LMO7: variants seen among roughly 807,000 people sequenced by gnomAD.
LMO7 encodes the protein LIM domain 7, also known as LIM domain only protein 7.
In LMO7, 120 loss-of-function variants were observed where a neutral mutation model predicts 206.5. The observed-to-expected ratio is 0.58, with a 90% CI of 0.50 to 0.68. The LOEUF is 0.68. LMO7 is among the 30% of genes least tolerant of loss of function. The pLI, the probability that LMO7 is intolerant of heterozygous loss-of-function variation, is 0.00. For synonymous variants in LMO7, 706 were observed against 681.5 expected (o/e 1.04, Z -0.56); for missense variants, 1,959 against 1,957.9 (o/e 1.00, Z -0.01).
At chr13:75,786,377 CTTTT>C (rs113210539) in intron 4 of LMO7, among the ~76,000 whole-genome samples, 2 of 140,084 alleles carry the variant, frequency 1.4e-5, no homozygotes. Flanking sequence ...TTATTTTCTT[CTTTT>C]TTTTTTTTTT....
intron 4 of LMO7, among the ~76,000 whole-genome samples, chr13:75,790,938 A>G (rs1233489960): frequency 7.0e-6 from 1 of 142,368 alleles, no homozygotes; most frequent in Non-Finnish European, 1.5e-5. Context: ...AACATACCCA[A>G]GATAGGTATT....
At chr13:75,756,922 G>C (rs1022816965) in intron 3 of LMO7, among the ~76,000 whole-genome samples, 1 of 152,166 alleles carries the variant, frequency 6.6e-6, no homozygotes, top group African/African-American at 2.4e-5. Flanking sequence ...GAATCACTGA[G>C]GTGGGTCCAG....
chr13:75,779,502 A>G (rs941142608), intron 4 of LMO7, among the ~76,000 whole-genome samples: 1 of 152,242 alleles, frequency 6.6e-6, no homozygotes, highest in Non-Finnish European at 1.5e-5. Flanking sequence ...TGTCAGGATT[A>G]TATTAACCTG....
chr13:75,822,457 C>T (rs1254097099), intron 14 of LMO7, among the ~76,000 whole-genome samples: 1 of 151,912 alleles, frequency 6.6e-6, no homozygotes, highest in Non-Finnish European at 1.5e-5. Flanking sequence ...TATCAAAATG[C>T]ATTTTAGGGT....
chr13:75,642,002 C>T (rs1229960828), intron 1 of LMO7, among the ~76,000 whole-genome samples: 4 of 152,078 alleles, frequency 2.6e-5, no homozygotes, highest in Admixed American at 6.6e-5. Context: ...TTCTTGAACA[C>T]AGCATCTTTA....
chr13:75,800,689 C>G lies in LMO7; in HGVS notation c.468C>G (p.Leu156=), dbSNP rs41286122. The G allele has an allele frequency of 3.7e-6, 6 of 1,613,718 alleles. No individual in the cohort carries two copies. The highest frequency in any genetic ancestry group is 4.5e-5 in the East Asian group (2 of 44,890). ...TTAAAAAACGTTTTCTTTAGGCACT[C>G]GAAGACTCCAGCTTCCTGAAAAGAA... is the stretch of plus-strand genomic sequence containing the variant. The part of the protein sequence containing the change: ...NLLGQALTKA[L]EDSSFLKRSG... Residue 156 remains leucine, a synonymous_variant, in exon 7 of 31, where the codon CTC becomes CTG. Transcript: ENST00000377534.
intron 26 of LMO7, among the ~76,000 whole-genome samples, chr13:75,848,431 T>TTATTTATC (rs1555348052): frequency 3.5e-4 from 52 of 150,638 alleles, no homozygotes; most frequent in African/African-American, 1.3e-3. Context: ...TTCCATGCGA[T>TTATTTATC]TATCTATCTA....
At position 75,797,822 on chromosome 13, in the gene LMO7, T is replaced by C. The variant is rs1401669309; in HGVS notation, c.462+1073T>C. Among the ~76,000 whole-genome samples, 6 of 152,208 alleles carry C rather than the reference T, an allele frequency of 3.9e-5. No individual in the cohort carries two copies. The East Asian group carries it at 1.2e-3, about 29-fold the overall frequency. ...CCAAAATGTAAGGAGTCAATAACGCTGTATTCAAATTCCTTGAATAAGTTA... is the reference window on the plus strand; with the variant it reads ...CCAAAATGTAAGGAGTCAATAACGCCGTATTCAAATTCCTTGAATAAGTTA... On this transcript the variant is annotated intron_variant, in intron 6 of 30. Transcript: ENST00000377534.
At chr13:75,655,471 A>G (rs185920093) in intron 1 of LMO7, among the ~76,000 whole-genome samples, 272 of 151,958 alleles carry the variant, frequency 1.8e-3, no homozygotes, top group Non-Finnish European at 2.0e-3. Context: ...TATTTTTGCA[A>G]CTTCTTTTGT....
At chr13:75,762,624 T>C (rs745770202) in intron 4 of LMO7, among the ~76,000 whole-genome samples, 6 of 152,164 alleles carry the variant, frequency 3.9e-5, no homozygotes, top group Non-Finnish European at 5.9e-5. Flanking sequence ...AATTAGTATC[T>C]GGGCTCTGCC....
In LMO7 at chr13:75,643,558, A is replaced by G. The variant is rs148104337; in HGVS notation, c.69+6832A>G. Among the ~76,000 whole-genome samples the G allele has an allele frequency of 2.9e-3, 439 of 152,358 alleles. 4 individuals carry two copies. Among genetic ancestry groups the G allele is most frequent in the African/African-American group, 7.5e-3 (313 of 41,586 alleles). On this transcript the variant is annotated intron_variant, in intron 1 of 30. Coordinates refer to ENST00000377534, the MANE Select transcript of LMO7 (RefSeq NM_001306080.2). ...GATCTCCTTAAGCCTGTTAACTATCAAAAATGTGTTAGAGCCTGAGGAAAT... is the reference window on the plus strand; with the variant it reads ...GATCTCCTTAAGCCTGTTAACTATCGAAAATGTGTTAGAGCCTGAGGAAAT...
chr13:75,749,138 AG>A (rs1038069768), intron 3 of LMO7, among the ~76,000 whole-genome samples: 23 of 152,286 alleles, frequency 1.5e-4, no homozygotes, highest in African/African-American at 4.8e-4. Flanking sequence ...TTTAAACAAA[AG>A]GTGATGATCC....
intron 28 of LMO7, 44 bp from the exon 29 acceptor site, chr13:75,855,216 C>A: frequency 2.6e-6 from 3 of 1,170,102 alleles, no homozygotes; most frequent in Non-Finnish European, 3.8e-6. Context: ...GAATCTTGAG[C>A]TGCCCAGGTG....
chr13:75,792,999 G>T (rs1487995822), intron 4 of LMO7, among the ~76,000 whole-genome samples: 3 of 152,100 alleles, frequency 2.0e-5, no homozygotes, highest in Non-Finnish European at 4.4e-5. Flanking sequence ...CCTTTTTGAG[G>T]ACTGTGGAAA....
chr13:75,763,910 G>T (rs1209246662), intron 4 of LMO7, among the ~76,000 whole-genome samples: 1 of 151,900 alleles, frequency 6.6e-6, no homozygotes, highest in Non-Finnish European at 1.5e-5. Context: ...CTGTTTTTCA[G>T]TTTTCTAGCT....
chr13:75,803,574 C>G (rs769116974), intron 7 of LMO7, among the ~76,000 whole-genome samples: 2 of 152,182 alleles, frequency 1.3e-5, no homozygotes, highest in African/African-American at 4.8e-5. Context: ...CTATTTGTAT[C>G]TATCTGACCT....
upstream of LMO7, among the ~76,000 whole-genome samples, chr13:75,635,032 A>AAAAAC (rs5804828): frequency 6.6e-6 from 1 of 151,316 alleles, no homozygotes; most frequent in African/African-American, 2.4e-5. Context: ...ACAAAACAAA[A>AAAAAC]CAAAACAAAA....
In LMO7 at chr13:75,804,766, A is replaced by C. The variant is rs930707037; in HGVS notation, c.914+225A>C. 2.8e-6 allele frequency: 3 copies of C among 1,069,952 alleles called. No individual in the cohort carries two copies. In the African/African-American group the frequency reaches 4.8e-5, roughly 17 times the overall value. The allele number at this position is 1,069,952 out of a possible 1,614,324, so 66.3% of individuals were successfully genotyped here. ...ATTTGCTAGGTCTTTTTTTAGATGCATGACTTCAGTTTATTGGTATTTTTC... is the reference window on the plus strand; with the variant it reads ...ATTTGCTAGGTCTTTTTTTAGATGCCTGACTTCAGTTTATTGGTATTTTTC... On this transcript the variant is annotated intron_variant, in intron 8 of 30. Transcript: ENST00000377534.
At chr13:75,646,532 G>A (rs990039126) in intron 1 of LMO7, among the ~76,000 whole-genome samples, 1 of 151,150 alleles carries the variant, frequency 6.6e-6, no homozygotes, top group African/African-American at 2.4e-5. Context: ...CTTGCTTACT[G>A]TGCTCATACT....
Sources: gnomAD v4.1 joint callset for allele counts (sites outside exome capture counted in the v4.1 genomes callset) on GRCh38, gnomAD v4.1.1 for gene constraint, MANE v1.5 for transcripts, NCBI Gene and HGNC (gene_info 2026-07-23, HGNC 2026-07-21) for gene names.